The following CNTN1 variants were observed in gnomAD, a reference collection of about 807,000 sequenced individuals.
CNTN1 encodes the protein contactin 1, also known as contactin-1.
Under a neutral mutation model 126.4 loss-of-function variants are expected in CNTN1, and 38 were observed. That is an observed-to-expected ratio of 0.30 (90% CI 0.23 to 0.39). The LOEUF (loss-of-function observed/expected upper bound fraction) is 0.39. CNTN1 is among the 10% of genes least tolerant of loss of function. CNTN1 has a pLI of 1.00. For missense variants in CNTN1, 1,009 were observed against 1,248.4 expected, an observed-to-expected ratio of 0.81 and a Z score of 2.89; for synonymous variants, 413 against 422.6, an observed-to-expected ratio of 0.98 and a Z score of 0.28.
intron 6 of CNTN1, among the ~76,000 whole-genome samples, chr12:40,927,871 A>G (rs886884066): frequency 2.0e-5 from 3 of 152,098 alleles, no homozygotes; most frequent in Non-Finnish European, 4.4e-5. Context: ...TTTATCCCTT[A>G]TAAGGATCAA....
At chr12:41,041,296 G>A (rs1371270862) in intron 23 of CNTN1, among the ~76,000 whole-genome samples, 3 of 152,110 alleles carry the variant, frequency 2.0e-5, no homozygotes, top group Non-Finnish European at 4.4e-5. Context: ...GCTTTTTGAT[G>A]TGCTGCTGGA....
intron 1 of CNTN1, among the ~76,000 whole-genome samples, chr12:40,823,914 T>C (rs1941530386): frequency 6.6e-6 from 1 of 152,168 alleles, no homozygotes; most frequent in Non-Finnish European, 1.5e-5. Flanking sequence ...ACTCTAGTGT[T>C]TAAATATCTC....
intron 1 of CNTN1, among the ~76,000 whole-genome samples, chr12:40,696,532 A>G (rs889317685): frequency 1.3e-5 from 2 of 152,200 alleles, no homozygotes; most frequent in Non-Finnish European, 2.9e-5. Flanking sequence ...AATTTTCATT[A>G]GTGCTTCTAC....
chr12:40,719,733 A>G (rs571045387), intron 1 of CNTN1, among the ~76,000 whole-genome samples: 4 of 152,230 alleles, frequency 2.6e-5, no homozygotes, highest in Admixed American at 6.5e-5. Context: ...AACGAAGCAA[A>G]TATTTATTAT....
intron 7 of CNTN1, among the ~76,000 whole-genome samples, chr12:40,932,817 G>A (rs537918653): frequency 4.6e-5 from 7 of 152,084 alleles, no homozygotes; most frequent in African/African-American, 7.2e-5. Context: ...TTTACAGTGT[G>A]TGGTACACAC....
chr12:40,812,083 G>C (rs1468578999), intron 1 of CNTN1, among the ~76,000 whole-genome samples: 2 of 150,644 alleles, frequency 1.3e-5, no homozygotes, highest in Non-Finnish European at 3.0e-5. Context: ...ATTTCGGTAT[G>C]TTGTGTTTTC....
At chr12:40,742,369 C>A (rs188611543) in intron 1 of CNTN1, 1 of 151,930 alleles carries the variant, frequency 6.6e-6, no homozygotes, top group Non-Finnish European at 1.5e-5. Context: ...TGAATTTACA[C>A]GAAAAGGGAA....
At chr12:40,990,249 A>C (rs1218098349) in intron 16 of CNTN1, among the ~76,000 whole-genome samples, 2 of 152,184 alleles carry the variant, frequency 1.3e-5, no homozygotes, top group Non-Finnish European at 2.9e-5. Context: ...AAGAGTTGTC[A>C]AGCTATTAGT....
chr12:40,889,233 A>C (rs1266966031), intron 1 of CNTN1, among the ~76,000 whole-genome samples: 2 of 152,194 alleles, frequency 1.3e-5, no homozygotes, highest in Non-Finnish European at 2.9e-5. Flanking sequence ...TTTATTAACT[A>C]GATTTTAGCC....
rs35570862 is a variant in CNTN1 at position 40,698,228 on chromosome 12, A to ATTTTTTTTT, written c.-77+5656_-77+5664dup. Among the ~76,000 whole-genome samples the ATTTTTTTTT allele has an allele frequency of 9.2e-4, 64 of 69,866 alleles. 3 individuals carry two copies. Among genetic ancestry groups the ATTTTTTTTT allele is most frequent in the African/African-American group, 3.3e-3 (57 of 17,228 alleles). The allele number at this position is 69,866 out of a possible 152,430, so 45.8% of individuals were successfully genotyped here. A position where few individuals can be genotyped will look rare whatever the true frequency, so the allele number is the denominator to read the frequency against. On this transcript the variant is annotated intron_variant, in intron 1 of 23. Transcript: ENST00000551295. The stretch of plus-strand genomic sequence containing the variant: ...AGCGTGCTTTGAGGCCAGCCACTTA[A>ATTTTTTTTT]TTTTTTTTTTTTTTTTTTTTTTTTT...
chr12:40,830,991 A>G (rs1484790621), intron 1 of CNTN1, among the ~76,000 whole-genome samples: 1 of 142,290 alleles, frequency 7.0e-6, no homozygotes, highest in African/African-American at 2.6e-5. Flanking sequence ...TATATATGAA[A>G]CATATATACT....
intron 1 of CNTN1, among the ~76,000 whole-genome samples, chr12:40,905,807 C>CA (rs994851565): frequency 6.6e-6 from 1 of 151,768 alleles, no homozygotes; most frequent in African/African-American, 2.4e-5. Context: ...ACTATCAGGA[C>CA]AAAAAAAGTG....
rs71451505 is a variant in CNTN1, at chr12:41,070,931, A to C, written c.*896A>C. On this transcript the variant is annotated 3_prime_UTR_variant, in exon 24 of 24. Transcript: ENST00000551295. ...GAGATGTGACAGTCTTTACATGGTT[A>C]GGAATAAGTGACAGTTAAGTGAATA... 1 of 152,092 alleles carries C rather than the reference A, an allele frequency of 6.6e-6. No homozygotes were observed. Among genetic ancestry groups the C allele is most frequent in the Non-Finnish European group, 1.5e-5 (1 of 68,018 alleles). The allele number at this position is 152,092 out of a possible 1,614,324, so 9.4% of individuals were successfully genotyped here.
At chr12:40,723,659 T>C (rs771626549) in intron 1 of CNTN1, among the ~76,000 whole-genome samples, 3 of 152,232 alleles carry the variant, frequency 2.0e-5, no homozygotes, top group Non-Finnish European at 4.4e-5. Flanking sequence ...TGATCACACC[T>C]TTTGCCCTAT....
intron 21 of CNTN1, among the ~76,000 whole-genome samples, chr12:41,027,541 A>G (rs1056165452): frequency 6.6e-6 from 1 of 152,226 alleles, no homozygotes; most frequent in Non-Finnish European, 1.5e-5. Flanking sequence ...ATCAAGTGAC[A>G]TTAGATTTAA....
At chr12:40,825,537 T>C (rs899938438) in intron 1 of CNTN1, among the ~76,000 whole-genome samples, 21 of 152,182 alleles carry the variant, frequency 1.4e-4, no homozygotes, top group African/African-American at 4.6e-4. Context: ...GACATCACAT[T>C]TGTCTAAAGT....
intron 1 of CNTN1, among the ~76,000 whole-genome samples, chr12:40,693,570 A>T (rs1192272733): frequency 1.3e-5 from 2 of 152,178 alleles, no homozygotes; most frequent in Non-Finnish European, 2.9e-5. Flanking sequence ...AAAAATTGGG[A>T]TGATGGGAAA....
At chr12:40,753,576 C>T (rs1362761660) in intron 1 of CNTN1, among the ~76,000 whole-genome samples, 2 of 152,040 alleles carry the variant, frequency 1.3e-5, no homozygotes, top group African/African-American at 4.8e-5. Flanking sequence ...CCTTATAAAA[C>T]CATGAGATCT....
At chr12:40,972,618 T>C (rs1947554544) in intron 15 of CNTN1, 1 of 883,394 alleles carries the variant, frequency 1.1e-6, no homozygotes, top group Non-Finnish European at 1.4e-6. Flanking sequence ...TAAATGTCTC[T>C]GGCTCAAGAT....
Sources: gnomAD v4.1 joint callset for allele counts (sites outside exome capture counted in the v4.1 genomes callset) on GRCh38, gnomAD v4.1.1 for gene constraint, MANE v1.5 for transcripts, NCBI Gene and HGNC (gene_info 2026-07-23, HGNC 2026-07-21) for gene names.